NSG1: variants seen among roughly 807,000 people sequenced by gnomAD.
The protein encoded by NSG1 is neuronal vesicle trafficking associated 1.
In NSG1, 9 loss-of-function variants were observed where a neutral mutation model predicts 19.3. That is an observed-to-expected ratio of 0.47 (90% CI 0.28 to 0.81). NSG1 has a LOEUF of 0.81. Among genes scored for constraint, NSG1 ranks in the 40% least tolerant of loss-of-function variants. The pLI is 0.11. For missense variants in NSG1, 236 were observed against 242.4 expected, an observed-to-expected ratio of 0.97 and a Z score of 0.18; for synonymous variants, 104 against 107.0, an observed-to-expected ratio of 0.97 and a Z score of 0.17.
chr4:4,387,217 TG>T (rs1722762987), intron 1 of NSG1, 44 bp downstream of exon 1: 1 of 163,258 alleles, frequency 6.1e-6, no homozygotes, highest in African/African-American at 2.4e-5. Context: ...GGCCAGACCT[TG>T]CCCGCCCAGG....
chr4:4,404,062 G>A (rs1222482692), intron 3 of NSG1, among the ~76,000 whole-genome samples: 1 of 152,216 alleles, frequency 6.6e-6, no homozygotes, highest in Non-Finnish European at 1.5e-5. Context: ...AGCCTCCCAT[G>A]ATTCTCATTG....
At chr4:4,402,371 A>ATTGTTTTTTTTT (rs1723598298) in intron 3 of NSG1, among the ~76,000 whole-genome samples, 1 of 53,912 alleles carries the variant, frequency 1.9e-5, no homozygotes, top group African/African-American at 6.1e-5. Flanking sequence ...ACGCCTGGTT[A>ATTGTTTTTTTTT]TTTTTTTTTT....
intron 3 of NSG1, among the ~76,000 whole-genome samples, chr4:4,394,327 C>T (rs1366177727): frequency 1.3e-5 from 2 of 152,188 alleles, no homozygotes; most frequent in African/African-American, 4.8e-5. Context: ...ATCCCCAAGG[C>T]CTTCAGAGAC....
chr4:4,417,494 A>G lies in NSG1; in HGVS notation c.*59A>G. 1 of 1,470,068 alleles carries G rather than the reference A, an allele frequency of 6.8e-7. No individual in the cohort carries two copies. The highest frequency in any genetic ancestry group is 1.1e-5 in the South Asian group (1 of 87,064). The allele number at this position is 1,470,068 out of a possible 1,614,324, so 91.1% of individuals were successfully genotyped here. A position where few individuals can be genotyped will look rare whatever the true frequency, so the allele number is the denominator to read the frequency against. On this transcript the variant is annotated 3_prime_UTR_variant, in exon 5 of 5. Transcript: ENST00000621129. ...GCAAATAACAAAGGGACTTTGAGGG[A>G]CATTTCATTAAATATAATTACTGAT...
intron 4 of NSG1, among the ~76,000 whole-genome samples, chr4:4,410,404 C>T (rs1410931516): frequency 1.3e-5 from 2 of 152,206 alleles, no homozygotes; most frequent in South Asian, 2.1e-4. Context: ...TCCTGAGAAA[C>T]GCGTTGTTAG....
chr4:4,413,607 T>C (rs1348342650), intron 4 of NSG1, among the ~76,000 whole-genome samples: 1 of 147,690 alleles, frequency 6.8e-6, no homozygotes. Flanking sequence ...GACGTGCTGG[T>C]GGGGGTGTGC....
At position 4,417,700 on chromosome 4, in the gene NSG1, G is replaced by A. The variant is rs1036721436; in HGVS notation, c.*265G>A. ...TTTAGCTCCTTTACTGGGATTTATT[G>A]GATGCTGTAAAAAAATAAATTTACA... On this transcript the variant is annotated 3_prime_UTR_variant, in exon 5 of 5. Coordinates refer to ENST00000621129, the MANE Select transcript of NSG1 (RefSeq NM_014392.5). The A allele has an allele frequency of 3.1e-5, 15 of 481,450 alleles. No homozygotes were observed. Among genetic ancestry groups the A allele is most frequent in the Middle Eastern group, 5.6e-4 (1 of 1,788 alleles). 29.8% of individuals were successfully genotyped at this position (481,450 alleles called of 1,614,324 possible).
At chr4:4,398,454 C>T (rs1029615695) in intron 3 of NSG1, among the ~76,000 whole-genome samples, 6 of 152,108 alleles carry the variant, frequency 3.9e-5, no homozygotes, top group African/African-American at 1.4e-4. Context: ...TGCCCCCCCC[C>T]ACAGCCCCTG....
rs771785075 is a variant in NSG1 at position 4,417,437 on chromosome 4, G to A, written c.*2G>A. 7.4e-6 allele frequency: 12 copies of A among 1,614,088 alleles called. No individual in the cohort carries two copies. The highest frequency in any genetic ancestry group is 3.3e-5 in the South Asian group (3 of 91,084). ...GAAGCGGCTGAGAAGTCAGCTTAGC[G>A]GGATGGGCAAGTTCCTTACAATGTG... is the stretch of plus-strand genomic sequence containing the variant. On this transcript the variant is annotated 3_prime_UTR_variant, in exon 5 of 5. Coordinates refer to ENST00000621129, the MANE Select transcript of NSG1 (RefSeq NM_014392.5).
At chr4:4,388,823 G>A (rs1433281725) in intron 2 of NSG1, among the ~76,000 whole-genome samples, 1 of 152,214 alleles carries the variant, frequency 6.6e-6, no homozygotes, top group Non-Finnish European at 1.5e-5. Flanking sequence ...GTCTGGGGAG[G>A]GAGGCAGGAG....
intron 4 of NSG1, chr4:4,415,685 T>G: frequency 6.3e-6 from 1 of 158,030 alleles, no homozygotes. Flanking sequence ...GCAGGGCCGT[T>G]TCTGAGCCAT....
chr4:4,406,943 G>A (rs942733234), intron 3 of NSG1, among the ~76,000 whole-genome samples: 1 of 152,152 alleles, frequency 6.6e-6, no homozygotes, highest in Admixed American at 6.5e-5. Flanking sequence ...TTCTTTCTCC[G>A]GCCAGCTCTG....
At chr4:4,403,347 C>T (rs917803369) in intron 3 of NSG1, among the ~76,000 whole-genome samples, 2 of 152,208 alleles carry the variant, frequency 1.3e-5, no homozygotes, top group South Asian at 2.1e-4. Context: ...CTGCTCTGTC[C>T]GGAGGCTCTT....
intron 4 of NSG1, among the ~76,000 whole-genome samples, chr4:4,410,442 A>G (rs1724113389): frequency 6.6e-6 from 1 of 152,206 alleles, no homozygotes; most frequent in Non-Finnish European, 1.5e-5. Flanking sequence ...CCAGCCTCAC[A>G]GAGTGTCCTG....
In NSG1 at chr4:4,409,644, C is replaced by G. The variant is rs375393695; in HGVS notation, c.318C>G (p.Tyr106Ter). Residue 106 changes from tyrosine to a stop codon, truncating the protein, a stop_gained, in exon 4 of 5, where the codon TAC (tyrosine) becomes TAG (stop). Coordinates refer to ENST00000621129, the MANE Select transcript of NSG1 (RefSeq NM_014392.5). LOFTEE classifies it high-confidence loss of function. ...TCTTCCTGGTTGTCTACAAGGTGTA[C>G]AAGTATGACCGCGCCTGCCCCGATG... ...CVVFLVVYKV[Y>*]KYDRACPDGF... is the part of the protein sequence containing the mutation. 6.2e-7 allele frequency: 1 copy of G among 1,614,182 alleles called. No homozygotes were observed. The highest frequency in any genetic ancestry group is 8.5e-7 in the Non-Finnish European group (1 of 1,180,028).
At chr4:4,387,878 G>A (rs1237869928) in intron 2 of NSG1, 120 bp downstream of exon 2, 3 of 842,518 alleles carry the variant, frequency 3.6e-6, no homozygotes, top group Middle Eastern at 2.6e-4. Flanking sequence ...GGGCTCGGGA[G>A]GCCGGAGGGA....
chr4:4,409,531 C>G (rs1309034771), intron 3 of NSG1, 42 bp from the exon 4 acceptor site: 1 of 1,469,716 alleles, frequency 6.8e-7, no homozygotes, highest in Non-Finnish European at 9.5e-7. Flanking sequence ...GTCTGTCCTG[C>G]TGCCTTCCGG....
intron 3 of NSG1, among the ~76,000 whole-genome samples, chr4:4,392,426 G>A (rs1357656539): frequency 6.6e-6 from 1 of 152,210 alleles, no homozygotes; most frequent in Non-Finnish European, 1.5e-5. Context: ...CTGGCTCTCT[G>A]GTCACCCTCC....
chr4:4,394,546 G>A (rs762813128), intron 3 of NSG1, among the ~76,000 whole-genome samples: 2 of 152,070 alleles, frequency 1.3e-5, no homozygotes, highest in Admixed American at 6.6e-5. Context: ...AGGCCCCCTC[G>A]ACCTGAACTG....
Sources: allele counts gnomAD v4.1 joint callset (sites outside exome capture counted in the v4.1 genomes callset), GRCh38; gene constraint gnomAD v4.1.1; transcripts MANE v1.5; gene names NCBI Gene and HGNC (gene_info 2026-07-23, HGNC 2026-07-21).